The following SLC14A2 variants were observed in gnomAD, a reference collection of about 807,000 sequenced individuals.
SLC14A2 encodes the protein urea transporter 2.
Under a neutral mutation model 104.6 loss-of-function variants are expected in SLC14A2, and 91 were observed. The ratio of observed to expected loss-of-function variants is 0.87; its 90% CI spans 0.73 to 1.04. SLC14A2 has a LOEUF of 1.04. SLC14A2 is among the 50% of genes least tolerant of loss of function. The pLI, the probability that SLC14A2 is intolerant of heterozygous loss-of-function variation, is 0.00. For missense variants in SLC14A2, 1,189 were observed against 1,156.0 expected (o/e 1.03, Z -0.41); for synonymous variants, 476 against 466.4 (o/e 1.02, Z -0.27).
upstream of SLC14A2, among the ~76,000 whole-genome samples, chr18:45,209,229 G>A (rs543092327): frequency 2.0e-4 from 30 of 148,726 alleles, no homozygotes; most frequent in Admixed American, 2.0e-3. Context: ...TGTAGTCCTA[G>A]CTACTCGGGA....
chr18:45,477,544 G>A (rs1349412578), intron 1 of SLC14A2, among the ~76,000 whole-genome samples: 1 of 152,180 alleles, frequency 6.6e-6, no homozygotes, highest in African/African-American at 2.4e-5. Context: ...TTCAGAGTCG[G>A]CAGGCAGGAA....
intron 2 of SLC14A2, among the ~76,000 whole-genome samples, chr18:45,557,915 A>C (rs1599002705): frequency 6.6e-6 from 1 of 152,258 alleles, no homozygotes; most frequent in East Asian, 1.9e-4. Flanking sequence ...TTAACTCCTG[A>C]TGAATTCACC....
intron 10 of SLC14A2, among the ~76,000 whole-genome samples, chr18:45,661,738 A>C (rs1022323603): frequency 6.6e-6 from 1 of 152,242 alleles, no homozygotes; most frequent in Non-Finnish European, 1.5e-5. Flanking sequence ...TCTGGCAGAC[A>C]TGCTCTGGGG....
chr18:45,390,168 G>C (rs1205867313), intron 1 of SLC14A2, among the ~76,000 whole-genome samples: 1 of 152,116 alleles, frequency 6.6e-6, no homozygotes, highest in African/African-American at 2.4e-5. Flanking sequence ...GACAAAAATC[G>C]ACACGAGCAC....
intron 1 of SLC14A2, among the ~76,000 whole-genome samples, chr18:45,410,291 G>A (rs892706387): frequency 1.1e-4 from 17 of 152,156 alleles, no homozygotes; most frequent in African/African-American, 3.9e-4. Flanking sequence ...CTATGACCCA[G>A]GGGTCAGGGA....
chr18:45,268,332 C>G (rs1325588458), intron 1 of SLC14A2, among the ~76,000 whole-genome samples: 2 of 152,058 alleles, frequency 1.3e-5, no homozygotes, highest in Non-Finnish European at 2.9e-5. Flanking sequence ...GAAGAAAGAC[C>G]ACAAGTAGTT....
rs2085900487 is a variant in SLC14A2, at chr18:45,386,668, G to A, written c.-124-96565G>A. Among the ~76,000 whole-genome samples the A allele has an allele frequency of 6.6e-5, 10 of 152,316 alleles. No homozygotes were observed. The South Asian group carries it at 1.9e-3, about 28-fold the overall frequency. On this transcript the variant is annotated intron_variant, in intron 1 of 20. Transcript: ENST00000586448. ...ACAGCTGCTAAGTTCCCTGCTTTCA[G>A]AATTAGAAGAACATCATGGTTGAGA...
intron 1 of SLC14A2, among the ~76,000 whole-genome samples, chr18:45,293,954 C>T (rs1424673648): frequency 4.6e-5 from 7 of 152,106 alleles, no homozygotes; most frequent in Admixed American, 4.6e-4. Context: ...AGATGCGAAA[C>T]AAATAACAGC....
intron 2 of SLC14A2, among the ~76,000 whole-genome samples, chr18:45,552,782 C>T (rs969030949): frequency 2.0e-5 from 3 of 152,122 alleles, no homozygotes; most frequent in East Asian, 3.9e-4. Flanking sequence ...GAGATGGGCA[C>T]TTGCCCAGCA....
chr18:45,375,868 TTCCCTAGAGGGAACAGGGGC>T (rs1464730245), intron 1 of SLC14A2, among the ~76,000 whole-genome samples: 3 of 152,180 alleles, frequency 2.0e-5, no homozygotes, highest in Non-Finnish European at 4.4e-5. Context: ...CCTTCTCCCC[TTCCCTAGAGGGAACAGGGGC>T]TCCCTGTGTC....
chr18:45,514,406 C>T (rs1568253035), intron 2 of SLC14A2, among the ~76,000 whole-genome samples: 1 of 152,164 alleles, frequency 6.6e-6, no homozygotes, highest in Non-Finnish European at 1.5e-5. Flanking sequence ...CTATTAGAAA[C>T]CACCCCCATG....
intron 2 of SLC14A2, among the ~76,000 whole-genome samples, chr18:45,506,385 C>A (rs1273520961): frequency 6.6e-6 from 1 of 152,316 alleles, no homozygotes; most frequent in South Asian, 2.1e-4. Context: ...TGGGTGTTTG[C>A]TGAATTCCGA....
At chr18:45,422,698 A>G (rs1356627945) in intron 1 of SLC14A2, among the ~76,000 whole-genome samples, 4 of 152,150 alleles carry the variant, frequency 2.6e-5, no homozygotes, top group Non-Finnish European at 5.9e-5. Flanking sequence ...CACGGCCAGA[A>G]CCCCTGCTCC....
chr18:45,264,268 T>C (rs8086667), intron 1 of SLC14A2, among the ~76,000 whole-genome samples: 1,972 of 152,300 alleles, frequency 0.013, 47 homozygotes, highest in African/African-American at 0.045. Context: ...TTCATTCATT[T>C]ACCAACAGTG....
chr18:45,391,564 T>C (rs1010419298), intron 1 of SLC14A2, among the ~76,000 whole-genome samples: 4 of 152,176 alleles, frequency 2.6e-5, no homozygotes, highest in Admixed American at 2.0e-4. Context: ...TGTTCCTATT[T>C]CTCCACATCC....
chr18:45,481,716 G>T (rs1415854592), intron 1 of SLC14A2, among the ~76,000 whole-genome samples: 5 of 152,144 alleles, frequency 3.3e-5, no homozygotes, highest in Non-Finnish European at 7.4e-5. Context: ...CTATTGTTAT[G>T]TTGACTTCAA....
intron 1 of SLC14A2, among the ~76,000 whole-genome samples, chr18:45,282,395 C>T (rs1245065556): frequency 6.6e-6 from 1 of 152,150 alleles, no homozygotes; most frequent in Non-Finnish European, 1.5e-5. Flanking sequence ...GGGGGACTGT[C>T]CCTGATCTAT....
chr18:45,346,449 G>A (rs1167964420), intron 1 of SLC14A2, among the ~76,000 whole-genome samples: 1 of 152,150 alleles, frequency 6.6e-6, no homozygotes, highest in African/African-American at 2.4e-5. Context: ...GAGCCACCAT[G>A]CCTGGTCCCT....
At chr18:45,214,926 A>G (rs1355546026) in intron 1 of SLC14A2, among the ~76,000 whole-genome samples, 1 of 151,250 alleles carries the variant, frequency 6.6e-6, no homozygotes, top group Non-Finnish European at 1.5e-5. Context: ...AAAAAAAAAA[A>G]AAAAAAAAAG....
Sources: gnomAD v4.1 joint callset for allele counts (sites outside exome capture counted in the v4.1 genomes callset) on GRCh38, gnomAD v4.1.1 for gene constraint, MANE v1.5 for transcripts, NCBI Gene and HGNC (gene_info 2026-07-23, HGNC 2026-07-21) for gene names.